FBXO31: variants seen among roughly 807,000 people sequenced by gnomAD.
FBXO31 encodes the protein F-box only protein 31.
FBXO31 carries 24 observed loss-of-function variants against 54.4 expected under a neutral mutation model. That is an observed-to-expected ratio of 0.44 (90% CI 0.32 to 0.62). The LOEUF is 0.62. Ranked by LOEUF, FBXO31 falls within the 20% of genes least tolerant of loss-of-function variation. The probability of loss-of-function intolerance (pLI) is 0.05; values close to 1 mark genes in which losing one functional copy is unlikely to be tolerated. For missense variants in FBXO31, 665 were observed against 787.1 expected, an observed-to-expected ratio of 0.84 and a Z score of 1.86; for synonymous variants, 388 against 335.6, an observed-to-expected ratio of 1.16 and a Z score of -1.71.
At chr16:87,385,254 T>G (rs895775021), upstream of FBXO31, among the ~76,000 whole-genome samples, 6 of 152,064 alleles carry the variant, frequency 3.9e-5, no homozygotes, top group East Asian at 1.9e-4. Flanking sequence ...GTCAGGAGAT[T>G]GAGACCATCC....
intron 3 of FBXO31, among the ~76,000 whole-genome samples, 192 bp from the exon 4 acceptor site, chr16:87,343,957 G>A (rs1014292906): frequency 2.0e-5 from 3 of 152,274 alleles, no homozygotes; most frequent in Non-Finnish European, 2.9e-5. Context: ...GTGGACACCA[G>A]GAGGAGGCAG....
At chr16:87,386,945 A>G (rs1907345828), upstream of FBXO31, among the ~76,000 whole-genome samples, 1 of 152,206 alleles carries the variant, frequency 6.6e-6, no homozygotes, top group African/African-American at 2.4e-5. Flanking sequence ...GACAGCAAGA[A>G]TAATGGAAGG....
In FBXO31 at chr16:87,338,375, C is replaced by A. The variant is rs553140232; in HGVS notation, c.733-2111G>T. Among the ~76,000 whole-genome samples, 2 of 152,046 alleles carry A rather than the reference C, an allele frequency of 1.3e-5. No homozygotes were observed. Among genetic ancestry groups the A allele is most frequent in the Admixed American group, 6.6e-5 (1 of 15,246 alleles). On this transcript the variant is annotated intron_variant, in intron 5 of 8. Coordinates refer to ENST00000311635, the MANE Select transcript of FBXO31 (RefSeq NM_024735.5). This position sits in a 1 kb window ranked among gnomAD's most constrained non-coding sequence, Gnocchi z 4.3. ...GAGGGGGCTGAGGGTGACAAGGATGCCTGCTGGCTGCTTGAAACAGGAGCA... is the reference window on the plus strand; with the variant it reads ...GAGGGGGCTGAGGGTGACAAGGATGACTGCTGGCTGCTTGAAACAGGAGCA...
chr16:87,363,450 T>C (rs780424784), intron 1 of FBXO31, among the ~76,000 whole-genome samples: 37 of 152,170 alleles, frequency 2.4e-4, no homozygotes, highest in Non-Finnish European at 3.4e-4. Context: ...TCTAGGGGCC[T>C]CCTGGGTGAC....
At chr16:87,374,697 A>G (rs1294587671) in intron 1 of FBXO31, among the ~76,000 whole-genome samples, 1 of 152,266 alleles carries the variant, frequency 6.6e-6, no homozygotes, top group African/African-American at 2.4e-5. Flanking sequence ...TTCTAAATTC[A>G]AAACTGGGCA....
At position 87,335,207 on chromosome 16, in the gene FBXO31, G is replaced by GT. The variant is rs1905007086; in HGVS notation, c.996+96dup. Reference sequence around the variant, plus strand: ...TGCAAGCCCACTCTGAGGAGCAAGGGTGCCGGGGATCAGTGTCTGCCCAAG... The same window carrying GT: ...TGCAAGCCCACTCTGAGGAGCAAGGGTTGCCGGGGATCAGTGTCTGCCCAAG... On this transcript the variant is annotated intron_variant, in intron 7 of 8. Transcript: ENST00000311635. This position sits in a 1 kb window ranked among gnomAD's most constrained non-coding sequence, Gnocchi z 5.7. 1 of 1,551,352 alleles carries GT rather than the reference G, an allele frequency of 6.4e-7. No individual in the cohort carries two copies. The highest frequency in any genetic ancestry group is 8.8e-7 in the Non-Finnish European group (1 of 1,138,560).
chr16:87,348,859 G>C (rs1018556311), intron 2 of FBXO31, among the ~76,000 whole-genome samples: 2 of 152,190 alleles, frequency 1.3e-5, no homozygotes, highest in African/African-American at 4.8e-5. Flanking sequence ...GCAAACCCTG[G>C]ATCCCGCAGA....
upstream of FBXO31, among the ~76,000 whole-genome samples, chr16:87,390,088 C>A (rs1044472619): frequency 5.9e-5 from 9 of 152,176 alleles, no homozygotes; most frequent in African/African-American, 2.2e-4. Flanking sequence ...CAAGACCAGC[C>A]TGGCCAACAT....
intron 5 of FBXO31, among the ~76,000 whole-genome samples, chr16:87,341,439 T>C (rs981013229): frequency 1.3e-5 from 2 of 152,068 alleles, no homozygotes; most frequent in African/African-American, 4.8e-5. Context: ...GTGGATCGCC[T>C]GAGGTCAGGA....
Position 87,335,357 on chromosome 16 carries a change from C to G in FBXO31, c.943G>C (p.Glu315Gln). The G allele has an allele frequency of 6.2e-7, 1 of 1,614,020 alleles. No homozygotes were observed. The highest frequency in any genetic ancestry group is 8.5e-7 in the Non-Finnish European group (1 of 1,179,994). Residue 315 changes from glutamate to glutamine, a missense_variant, in exon 7 of 9, where the codon GAG becomes CAG. Glu to Gln is a conservative substitution (Grantham distance 29, BLOSUM62 2). This residue lies in a region of FBXO31 where 234 missense variants were observed against 346.8 expected (regional missense o/e 0.67). Coordinates refer to ENST00000311635, the MANE Select transcript of FBXO31 (RefSeq NM_024735.5). The surrounding 1 kb of genome is among the most constrained non-coding windows in gnomAD (Gnocchi z 5.7). Reference sequence around the variant, plus strand: ...CCGTGGAAGCTGAGCATCACAATCTCCAGGCCGTGGCTGCCATAGGTACCT... The same window carrying G: ...CCGTGGAAGCTGAGCATCACAATCTGCAGGCCGTGGCTGCCATAGGTACCT... ...FKGTYGSHGL[E>Q]IVMLSFHGRR...
chr16:87,385,682 G>T (rs1174083448), upstream of FBXO31, among the ~76,000 whole-genome samples: 2 of 152,098 alleles, frequency 1.3e-5, no homozygotes, highest in Non-Finnish European at 2.9e-5. Flanking sequence ...AGTTAGCCAG[G>T]AGGAGAACAC....
chr16:87,331,110 T>A lies in FBXO31; in HGVS notation c.*178A>T. Reference sequence around the variant, plus strand: ...TCTTCCATCATGGCACTGACAAATATGCAGGTCTATGTCACACTCTCTACA... The same window carrying A: ...TCTTCCATCATGGCACTGACAAATAAGCAGGTCTATGTCACACTCTCTACA... On this transcript the variant is annotated 3_prime_UTR_variant, in exon 9 of 9. Coordinates refer to ENST00000311635, the MANE Select transcript of FBXO31 (RefSeq NM_024735.5). The A allele has an allele frequency of 1.7e-6, 1 of 604,672 alleles. No homozygotes were observed. The highest frequency in any genetic ancestry group is 2.9e-6 in the Non-Finnish European group (1 of 341,252). 37.5% of individuals were successfully genotyped at this position (604,672 alleles called of 1,614,324 possible). A position where few individuals can be genotyped will look rare whatever the true frequency, so the allele number is the denominator to read the frequency against.
intron 1 of FBXO31, among the ~76,000 whole-genome samples, chr16:87,363,641 GT>G (rs1430428779): frequency 7.2e-5 from 11 of 151,992 alleles, no homozygotes; most frequent in Non-Finnish European, 1.0e-4. Context: ...GGAATAAATA[GT>G]TTTTTAATGA....
At chr16:87,371,326 G>C (rs751614725) in intron 1 of FBXO31, among the ~76,000 whole-genome samples, 2 of 152,182 alleles carry the variant, frequency 1.3e-5, no homozygotes, top group Non-Finnish European at 2.9e-5. Context: ...TGGCACCCAC[G>C]ACAGGCACCC....
chr16:87,392,078 G>A (rs939033225), upstream of FBXO31: 5 of 228,250 alleles, frequency 2.2e-5, no homozygotes, highest in Non-Finnish European at 3.4e-5. Flanking sequence ...GCCCACAACC[G>A]TCACCTCAGG....
chr16:87,356,164 G>C (rs1905881676), intron 2 of FBXO31, among the ~76,000 whole-genome samples: 2 of 151,600 alleles, frequency 1.3e-5, no homozygotes, highest in Admixed American at 1.3e-4. Flanking sequence ...GGGAGGCAGA[G>C]GCTGTAGTGA....
upstream of FBXO31, among the ~76,000 whole-genome samples, chr16:87,391,315 C>G (rs967682342): frequency 6.6e-6 from 1 of 152,154 alleles, no homozygotes; most frequent in African/African-American, 2.4e-5. Flanking sequence ...TCAAAAAAAC[C>G]CCAAAGAATC....
chr16:87,348,576 C>T (rs1371837460), intron 2 of FBXO31, among the ~76,000 whole-genome samples: 1 of 152,132 alleles, frequency 6.6e-6, no homozygotes, highest in Non-Finnish European at 1.5e-5. Context: ...GAGGATAAGC[C>T]AACATATAGG....
intron 2 of FBXO31, among the ~76,000 whole-genome samples, chr16:87,357,520 G>A (rs1197047243): frequency 2.0e-5 from 3 of 151,964 alleles, no homozygotes; most frequent in Admixed American, 1.3e-4. Context: ...GTAGAGATGA[G>A]TTTCACCATG....
Sources: allele counts gnomAD v4.1 joint callset (sites outside exome capture counted in the v4.1 genomes callset), GRCh38; gene constraint gnomAD v4.1.1; regional missense constraint gnomAD v4.1.1; non-coding constraint Gnocchi (gnomAD v3.1); transcripts MANE v1.5; gene names NCBI Gene and HGNC (gene_info 2026-07-23, HGNC 2026-07-21).